SLC35F4: variants seen among roughly 807,000 people sequenced by gnomAD.
The protein encoded by SLC35F4 is chromosome 14 open reading frame 36.
A neutral mutation model predicts 44.2 loss-of-function variants in SLC35F4; 24 were observed. The ratio of observed to expected loss-of-function variants is 0.54; its 90% CI spans 0.39 to 0.76. The LOEUF is 0.76. Ranked by LOEUF, SLC35F4 falls within the 30% of genes least tolerant of loss-of-function variation. The pLI is 0.00. For synonymous variants in SLC35F4, 238 were observed against 223.6 expected (o/e 1.06, Z -0.57); for missense variants, 562 against 586.1 (o/e 0.96, Z 0.42).
chr14:57,683,200 T>C (rs775082885), intron 1 of SLC35F4, among the ~76,000 whole-genome samples: 2 of 152,190 alleles, frequency 1.3e-5, no homozygotes, highest in African/African-American at 2.4e-5. Context: ...AAGTAAAACA[T>C]TTACTATAGC....
chr14:57,690,938 C>A (rs1279729406), intron 1 of SLC35F4, among the ~76,000 whole-genome samples: 4 of 152,124 alleles, frequency 2.6e-5, no homozygotes, highest in African/African-American at 4.8e-5. Context: ...TCCTGCTGTG[C>A]AGCCCAGTAC....
chr14:57,567,116 G>A (rs1016015612), intron 6 of SLC35F4, among the ~76,000 whole-genome samples: 2 of 152,234 alleles, frequency 1.3e-5, no homozygotes, highest in African/African-American at 4.8e-5. Flanking sequence ...ATTCTGATTT[G>A]TGTACAGATA....
chr14:57,890,476 C>CA (rs1171566762), intron 1 of SLC35F4, among the ~76,000 whole-genome samples: 5 of 152,152 alleles, frequency 3.3e-5, no homozygotes, highest in Non-Finnish European at 7.4e-5. Flanking sequence ...CTATGAAAGA[C>CA]AAATTATATC....
chr14:57,590,348 G>T (rs1192019448), intron 2 of SLC35F4, among the ~76,000 whole-genome samples: 1 of 151,864 alleles, frequency 6.6e-6, no homozygotes, highest in African/African-American at 2.4e-5. Flanking sequence ...AGCAATGATT[G>T]TACCACTGCA....
At chr14:57,903,638 C>T (rs17093890) in intron 1 of SLC35F4, among the ~76,000 whole-genome samples, 1 of 152,148 alleles carries the variant, frequency 6.6e-6, no homozygotes, top group East Asian at 1.9e-4. Context: ...TCATGAAAAC[C>T]TAATTTAATC....
At chr14:57,721,617 G>A (rs918583870) in intron 1 of SLC35F4, among the ~76,000 whole-genome samples, 1 of 152,310 alleles carries the variant, frequency 6.6e-6, no homozygotes, top group African/African-American at 2.4e-5. Flanking sequence ...GCATCACAAG[G>A]TGTCTACTGT....
At chr14:57,686,001 T>C (rs2075055608) in intron 1 of SLC35F4, among the ~76,000 whole-genome samples, 1 of 152,186 alleles carries the variant, frequency 6.6e-6, no homozygotes. Flanking sequence ...ACAAAGTACA[T>C]GATCTTCAAC....
rs1048543437 is a variant in SLC35F4 at position 57,670,384 on chromosome 14, T to C, written c.104-76260A>G. ...CTTGCCTTCTGCTGGCTTGTGAATGTGTTTGCTTTTGCTTCTCTAGTTCTT... is the reference window on the plus strand; with the variant it reads ...CTTGCCTTCTGCTGGCTTGTGAATGCGTTTGCTTTTGCTTCTCTAGTTCTT... On this transcript the variant is annotated intron_variant, in intron 1 of 7. Transcript: ENST00000556826. Among the ~76,000 whole-genome samples the C allele has an allele frequency of 3.3e-5, 5 of 152,096 alleles. 1 individual carries two copies. The highest frequency in any genetic ancestry group is 1.2e-4 in the African/African-American group (5 of 41,358).
At chr14:57,948,735 A>C (rs1890081286) in intron 1 of SLC35F4, among the ~76,000 whole-genome samples, 1 of 152,094 alleles carries the variant, frequency 6.6e-6, no homozygotes, top group Admixed American at 6.6e-5. Context: ...AAGTTGTGAC[A>C]CTATTATCAT....
Position 57,943,652 on chromosome 14 carries a change from G to A in SLC35F4, n.282+38261C>T, listed in dbSNP as rs73304471. Among the ~76,000 whole-genome samples the A allele has an allele frequency of 5.1e-3, 781 of 152,278 alleles. 5 individuals are homozygous for A. The highest frequency in any genetic ancestry group is 0.018 in the African/African-American group (736 of 41,538). The stretch of plus-strand genomic sequence containing the variant: ...CTTCCCACCGCCTCCACACAACCCA[G>A]AGGTAGACTTCCCCAGCCCCGATGT... On this transcript the variant is annotated intron_variant and non_coding_transcript_variant, in intron 1 of 1. Transcript: ENST00000556568.
At chr14:57,853,319 C>A in intron 1 of SLC35F4, among the ~76,000 whole-genome samples, 1 of 152,034 alleles carries the variant, frequency 6.6e-6, no homozygotes, top group East Asian at 1.9e-4. Flanking sequence ...GCTCTCAGGG[C>A]CAGAAGAGAG....
At chr14:57,898,905 A>G (rs1424627110) in intron 1 of SLC35F4, among the ~76,000 whole-genome samples, 1 of 152,176 alleles carries the variant, frequency 6.6e-6, no homozygotes, top group Non-Finnish European at 1.5e-5. Flanking sequence ...AAGGGGTTGG[A>G]GTCTCCAGAA....
intron 1 of SLC35F4, among the ~76,000 whole-genome samples, chr14:57,735,027 T>G (rs898559580): frequency 2.0e-5 from 3 of 152,194 alleles, no homozygotes; most frequent in Non-Finnish European, 4.4e-5. Context: ...GAGCTGTTTT[T>G]TTTTTAAGAC....
At chr14:57,596,777 T>C in intron 1 of SLC35F4, 1 of 1,365,996 alleles carries the variant, frequency 7.3e-7, no homozygotes, top group Non-Finnish European at 9.8e-7. Context: ...TTCACTAAAA[T>C]ATTATGTCCT....
intron 1 of SLC35F4, among the ~76,000 whole-genome samples, chr14:57,708,358 G>A (rs1163916690): frequency 6.6e-6 from 1 of 152,118 alleles, no homozygotes; most frequent in Non-Finnish European, 1.5e-5. Flanking sequence ...ATCCCCAATT[G>A]CTCAGGGAGA....
intron 1 of SLC35F4, among the ~76,000 whole-genome samples, chr14:57,945,265 A>C (rs559933670): frequency 6.6e-6 from 1 of 152,032 alleles, no homozygotes; most frequent in Non-Finnish European, 1.5e-5. Flanking sequence ...TTTGTGAATT[A>C]CCAAAGAGGC....
At chr14:57,799,187 T>C (rs1156999007) in intron 1 of SLC35F4, among the ~76,000 whole-genome samples, 2 of 152,140 alleles carry the variant, frequency 1.3e-5, no homozygotes, top group Non-Finnish European at 2.9e-5. Context: ...GCAACGTCCC[T>C]AGGAGCTGCT....
chr14:57,807,459 T>C (rs568766614), intron 1 of SLC35F4, among the ~76,000 whole-genome samples: 22 of 152,068 alleles, frequency 1.4e-4, no homozygotes, highest in African/African-American at 5.3e-4. Context: ...TTTATGCTGT[T>C]TTACATCTCA....
At chr14:57,747,867 G>C (rs1490129957) in intron 1 of SLC35F4, among the ~76,000 whole-genome samples, 1 of 152,172 alleles carries the variant, frequency 6.6e-6, no homozygotes, top group Non-Finnish European at 1.5e-5. Flanking sequence ...CAAAATCCCT[G>C]AATGTTCTTA....
Sources: gnomAD v4.1 joint callset for allele counts (sites outside exome capture counted in the v4.1 genomes callset) on GRCh38, gnomAD v4.1.1 for gene constraint, MANE v1.5 for transcripts, NCBI Gene and HGNC (gene_info 2026-07-23, HGNC 2026-07-21) for gene names.